Variants in CCDC138 observed in about 807,000 individuals in gnomAD.
CCDC138 encodes the protein coiled-coil domain-containing protein 138.
In CCDC138, 66 loss-of-function variants were observed where a neutral mutation model predicts 82.3. The observed-to-expected ratio is 0.80, with a 90% confidence interval of 0.66 to 0.98. The LOEUF (loss-of-function observed/expected upper bound fraction) is 0.98, where lower values mean the gene tolerates loss of function less well. CCDC138 is among the 50% of genes least tolerant of loss of function. The probability of loss-of-function intolerance (pLI) is 0.00; values close to 1 mark genes in which losing one functional copy is unlikely to be tolerated. For synonymous variants in CCDC138, 297 were observed against 265.4 expected (o/e 1.12, Z -1.16); for missense variants, 816 against 758.9 (o/e 1.08, Z -0.88).
At chr2:108,868,711 A>G (rs1398302017) in intron 13 of CCDC138, among the ~76,000 whole-genome samples, 1 of 152,076 alleles carries the variant, frequency 6.6e-6, no homozygotes, top group Non-Finnish European at 1.5e-5. Context: ...TCATTCCCAT[A>G]CTGTCCTCCT....
At chr2:108,819,651 G>T (rs1483028530) in intron 10 of CCDC138, among the ~76,000 whole-genome samples, 1 of 152,206 alleles carries the variant, frequency 6.6e-6, no homozygotes, top group Non-Finnish European at 1.5e-5. Flanking sequence ...GAAGAATTTG[G>T]ATGGTCCCAA....
chr2:108,788,206 G>A, intron 2 of CCDC138, 117 bp downstream of exon 2: 2 of 1,012,316 alleles, frequency 2.0e-6, no homozygotes, highest in Non-Finnish European at 2.8e-6. Flanking sequence ...ATCACCTGAG[G>A]TCAGGAGTTC....
At chr2:108,829,736 A>G (rs1289179685) in intron 10 of CCDC138, among the ~76,000 whole-genome samples, 1 of 152,152 alleles carries the variant, frequency 6.6e-6, no homozygotes, top group African/African-American at 2.4e-5. Context: ...ACAAATTGAG[A>G]CTGTGTCAAT....
chr2:108,840,493 T>G (rs1689268154), intron 11 of CCDC138, among the ~76,000 whole-genome samples: 1 of 152,166 alleles, frequency 6.6e-6, no homozygotes, highest in African/African-American at 2.4e-5. Context: ...ATTATGAATT[T>G]AAGTTCTTTA....
At chr2:108,853,947 A>G (rs1218983498) in intron 12 of CCDC138, among the ~76,000 whole-genome samples, 1 of 122,224 alleles carries the variant, frequency 8.2e-6, no homozygotes, top group Non-Finnish European at 1.6e-5. Context: ...TATATAATAT[A>G]CAATAAATAT....
At position 108,788,018 on chromosome 2, in the gene CCDC138, CT is replaced by C. The variant is rs5833305; in HGVS notation, c.94-3del. 11,406 of 1,209,612 alleles carry C rather than the reference CT, an allele frequency of 9.4e-3. No homozygotes were observed. Among genetic ancestry groups the C allele is most frequent in the East Asian group, 0.014 (459 of 32,462 alleles). 74.9% of individuals were successfully genotyped at this position (1,209,612 alleles called of 1,614,324 possible). A position where few individuals can be genotyped will look rare whatever the true frequency, so the allele number is the denominator to read the frequency against. On this transcript the variant is annotated splice_polypyrimidine_tract_variant and intron_variant, in intron 1 of 14. Coordinates refer to ENST00000295124, the MANE Select transcript of CCDC138 (RefSeq NM_144978.3). The stretch of plus-strand genomic sequence containing the variant: ...TTTTAGTATACAAATTAAATCTTTT[CT>C]TTTTTTTTTTAGTATGATTTTTCAA...
chr2:108,843,884 T>C (rs1283967923), intron 11 of CCDC138, among the ~76,000 whole-genome samples: 1 of 114,686 alleles, frequency 8.7e-6, no homozygotes, highest in Non-Finnish European at 1.7e-5. Flanking sequence ...GTGTGTTTCT[T>C]TCTTTTTTTT....
rs191989279 is a variant in CCDC138 at position 108,805,160 on chromosome 2, A to G, written c.855+152A>G. On this transcript the variant is annotated intron_variant, in intron 7 of 14. Coordinates refer to ENST00000295124, the MANE Select transcript of CCDC138 (RefSeq NM_144978.3). ...TATTTTAAAATACTTCCAAATGTAA[A>G]TAAAGTATTCTTTAGCTCTTTGGTC... is the stretch of plus-strand genomic sequence containing the variant. The G allele has an allele frequency of 3.2e-3, 1,283 of 401,904 alleles. 3 individuals are homozygous for G. The highest frequency in any genetic ancestry group is 4.6e-3 in the Non-Finnish European group (1,065 of 230,868). The allele number at this position is 401,904 out of a possible 1,614,324, so 24.9% of individuals were successfully genotyped here.
At chr2:108,798,710 CACACACACA>C (rs1681341423) in intron 6 of CCDC138, 124 bp downstream of exon 6, 1 of 22,018 alleles carries the variant, frequency 4.5e-5, no homozygotes, top group African/African-American at 8.1e-5. Context: ...TCCACGCCTA[CACACACACA>C]CACACACACA....
Position 108,839,249 on chromosome 2 carries a change from C to G in CCDC138, c.1271C>G (p.Pro424Arg), listed in dbSNP as rs749177435. ...MPFVNIKLHE[P>R]FVKFIYWSLR... is the part of the protein sequence containing the mutation. ...TTTGTGAATATCAAACTTCACGAGC[C>G]TTTTGTAAAATTTATATATTGGTCC... The change falls in exon 11 of 15, where the codon CCT becomes CGT. Residue 424 changes from proline (P) to arginine (R), a missense_variant. Transcript: ENST00000295124. The G allele has an allele frequency of 6.2e-7, 1 of 1,612,706 alleles. No homozygotes were observed. The highest frequency in any genetic ancestry group is 2.2e-5 in the East Asian group (1 of 44,750).
rs1362664368 is a variant in CCDC138 at position 108,871,538 on chromosome 2, C to G, written c.1694-1913C>G. ...CTGCACTCCAGCCTGGGCAACAAAG[C>G]AAGACTTTAGCTCCAAAAAAAATAA... On this transcript the variant is annotated intron_variant, in intron 13 of 14. Transcript: ENST00000295124. Among the ~76,000 whole-genome samples, 3 of 151,892 alleles carry G rather than the reference C, an allele frequency of 2.0e-5. No homozygotes were observed. The East Asian group carries it at 5.8e-4, about 29-fold the overall frequency.
At chr2:108,825,655 AAAT>A (rs1444626577) in intron 10 of CCDC138, among the ~76,000 whole-genome samples, 4 of 152,326 alleles carry the variant, frequency 2.6e-5, no homozygotes, top group African/African-American at 9.6e-5. Context: ...TTTTATTACC[AAAT>A]AATCTATAAT....
intron 13 of CCDC138, among the ~76,000 whole-genome samples, chr2:108,857,502 A>G (rs1174792752): frequency 6.6e-6 from 1 of 152,196 alleles, no homozygotes; most frequent in Non-Finnish European, 1.5e-5. Context: ...TTAAAGCCAC[A>G]TCTCTGACTC....
intron 11 of CCDC138, among the ~76,000 whole-genome samples, chr2:108,844,781 T>C (rs1419354546): frequency 1.3e-5 from 2 of 150,406 alleles, no homozygotes; most frequent in Non-Finnish European, 3.0e-5. Context: ...AGAGTCTTGC[T>C]CTGTCATCCA....
chr2:108,831,243 T>G (rs1687551296), intron 10 of CCDC138, among the ~76,000 whole-genome samples: 1 of 152,112 alleles, frequency 6.6e-6, no homozygotes, highest in African/African-American at 2.4e-5. Context: ...AGGCAATGTA[T>G]CTGATGTAAA....
intron 2 of CCDC138, chr2:108,884,635 G>A (rs1259640612): frequency 6.6e-6 from 1 of 152,172 alleles, no homozygotes; most frequent in African/African-American, 2.4e-5. Flanking sequence ...GAAAGTCAAG[G>A]ATGATGGTTT....
chr2:108,798,852 C>CACACAT (rs746855718), intron 6 of CCDC138, among the ~76,000 whole-genome samples: 2 of 150,120 alleles, frequency 1.3e-5, no homozygotes, highest in East Asian at 3.9e-4. Flanking sequence ...CACACACACA[C>CACACAT]ATTTTTTCTG....
intron 7 of CCDC138, among the ~76,000 whole-genome samples, chr2:108,810,873 T>G (rs979318661): frequency 6.6e-6 from 1 of 152,194 alleles, no homozygotes; most frequent in African/African-American, 2.4e-5. Flanking sequence ...TTATGATTGG[T>G]CTGTTCTAGT....
At position 108,794,593 on chromosome 2, in the gene CCDC138, G is replaced by A; in HGVS notation, c.448G>A (p.Asp150Asn). The A allele has an allele frequency of 6.2e-7, 1 of 1,614,078 alleles. No homozygotes were observed. Among genetic ancestry groups the A allele is most frequent in the Non-Finnish European group, 8.5e-7 (1 of 1,179,992 alleles). The change falls in exon 5 of 15, where the codon GAT becomes AAT. Residue 150 changes from aspartate (D) to asparagine (N), a missense_variant. Transcript: ENST00000295124. The part of the protein sequence containing the change: ...SSRPRTECCS[D>N]AGDSPLKPVS... ...GAGACCTCGGACTGAGTGTTGTAGT[G>A]ATGCAGGTGACTCTCCTTTGAAACC...
Sources: allele counts gnomAD v4.1 joint callset (sites outside exome capture counted in the v4.1 genomes callset), GRCh38; gene constraint gnomAD v4.1.1; transcripts MANE v1.5; gene names NCBI Gene and HGNC (gene_info 2026-07-23, HGNC 2026-07-21).